The following GABRB1 variants were observed in gnomAD, a reference collection of about 807,000 sequenced individuals.
GABRB1 encodes the protein gamma-aminobutyric acid receptor subunit beta-1.
In GABRB1, 17 loss-of-function variants were observed where a neutral mutation model predicts 51.6. That is an observed-to-expected ratio of 0.33 (90% CI 0.23 to 0.49). The LOEUF is 0.49. Ranked by LOEUF, GABRB1 falls within the 20% of genes least tolerant of loss-of-function variation. The probability of loss-of-function intolerance (pLI) is 0.99; values close to 1 mark genes in which losing one functional copy is unlikely to be tolerated. For synonymous variants in GABRB1, 247 were observed against 218.9 expected (o/e 1.13, Z -1.14); for missense variants, 410 against 600.6 (o/e 0.68, Z 3.32).
intron 4 of GABRB1, among the ~76,000 whole-genome samples, chr4:47,207,422 A>G (rs1029681688): frequency 1.3e-5 from 2 of 152,002 alleles, no homozygotes; most frequent in African/African-American, 2.4e-5. Context: ...ATTTTACACC[A>G]GTCAGAAAAA....
At chr4:47,246,079 C>T (rs1252198337) in intron 4 of GABRB1, among the ~76,000 whole-genome samples, 2 of 149,252 alleles carry the variant, frequency 1.3e-5, no homozygotes, top group Admixed American at 1.3e-4. Context: ...CATTCTCCCC[C>T]CCCAAGTCCC....
chr4:47,313,650 A>C (rs1254689214), intron 4 of GABRB1, among the ~76,000 whole-genome samples: 1 of 152,140 alleles, frequency 6.6e-6, no homozygotes, highest in Non-Finnish European at 1.5e-5. Context: ...CAAAGAGCTC[A>C]TACACTCAGC....
chr4:47,130,489 G>A (rs1273497391), intron 3 of GABRB1, among the ~76,000 whole-genome samples: 2 of 152,010 alleles, frequency 1.3e-5, no homozygotes, highest in Non-Finnish European at 2.9e-5. Context: ...TCAGTCTGGA[G>A]CCCACTTCCC....
chr4:47,406,989 G>T (rs945165443), intron 8 of GABRB1, 63 bp downstream of exon 8: 1 of 1,488,546 alleles, frequency 6.7e-7, no homozygotes, highest in Middle Eastern at 1.8e-4. Flanking sequence ...GATGCCTCGG[G>T]CTCTCATAAC....
chr4:47,098,356 G>GCTCATAA (rs1182711869), intron 3 of GABRB1, among the ~76,000 whole-genome samples: 1 of 151,988 alleles, frequency 6.6e-6, no homozygotes, highest in Non-Finnish European at 1.5e-5. Context: ...AGTTTAAAGA[G>GCTCATAA]CTCATAACTG....
chr4:47,345,823 C>G (rs1049338222), intron 5 of GABRB1, among the ~76,000 whole-genome samples: 1 of 152,072 alleles, frequency 6.6e-6, no homozygotes, highest in African/African-American at 2.4e-5. Flanking sequence ...AAAAAAAGAC[C>G]CTTCCAGCTC....
chr4:47,125,982 A>G (rs1046717507), intron 3 of GABRB1, among the ~76,000 whole-genome samples: 4 of 150,770 alleles, frequency 2.7e-5, no homozygotes, highest in Admixed American at 1.3e-4. Flanking sequence ...TTGTGCATAT[A>G]TTGCCTAATA....
Position 47,425,721 on chromosome 4 carries a change from T to A in GABRB1, c.1128T>A (p.Asn376Lys), listed in dbSNP as rs200146996. 1.4e-5 allele frequency: 22 copies of A among 1,613,754 alleles called. No individual in the cohort carries two copies. Among genetic ancestry groups the A allele is most frequent in the Non-Finnish European group, 1.4e-5 (17 of 1,179,906 alleles). Reference protein sequence around the residue: ...NILLSTLEIRNETSGSEVLTS... With the variant: ...NILLSTLEIRKETSGSEVLTS... ...TCCTCAGCACCCTGGAAATCCGGAA[T>A]GAGACGAGTGGCTCGGAAGTGCTCA... Residue 376 changes from asparagine (N) to lysine (K), a missense_variant, in exon 9 of 9, where the codon AAT becomes AAA. Coordinates refer to ENST00000295454, the MANE Select transcript of GABRB1 (RefSeq NM_000812.4).
At chr4:47,149,714 C>T (rs1202095747) in intron 3 of GABRB1, among the ~76,000 whole-genome samples, 1 of 152,044 alleles carries the variant, frequency 6.6e-6, no homozygotes, top group East Asian at 1.9e-4. Flanking sequence ...TATAAAGCTA[C>T]ATCAGAGGAA....
intron 1 of GABRB1, chr4:46,994,485 A>T (rs1512146): frequency 0.05 from 5,427 of 108,894 alleles, 145 homozygotes; most frequent in African/African-American, 0.096. Context: ...TGTGTGTGTG[A>T]GAGAGAGAGA....
At chr4:47,323,794 T>G (rs1725164009) in intron 5 of GABRB1, among the ~76,000 whole-genome samples, 1 of 152,214 alleles carries the variant, frequency 6.6e-6, no homozygotes, top group Non-Finnish European at 1.5e-5. Flanking sequence ...TTTAACTTGA[T>G]GTCATCTAAT....
At chr4:47,377,820 T>C (rs1216650438) in intron 5 of GABRB1, among the ~76,000 whole-genome samples, 3 of 152,142 alleles carry the variant, frequency 2.0e-5, no homozygotes, top group African/African-American at 7.2e-5. Flanking sequence ...AGAGTGTCCA[T>C]TGGTGCATTC....
rs376267676 is a variant in GABRB1, at chr4:47,350,115, A to G, written c.544+29906A>G. Reference sequence around the variant, plus strand: ...GATAAATTAATATTTGAAAAAATATATTGTATTTATTACTTTACATTAGTT... The same window carrying G: ...GATAAATTAATATTTGAAAAAATATGTTGTATTTATTACTTTACATTAGTT... On this transcript the variant is annotated intron_variant, in intron 5 of 8. Coordinates refer to ENST00000295454, the MANE Select transcript of GABRB1 (RefSeq NM_000812.4). Among the ~76,000 whole-genome samples the G allele has an allele frequency of 1.3e-3, 197 of 149,732 alleles. 7 individuals are homozygous for G. The South Asian group carries it at 0.039, about 29-fold the overall frequency.
chr4:47,175,241 A>G (rs1306075810), intron 4 of GABRB1, among the ~76,000 whole-genome samples: 1 of 148,458 alleles, frequency 6.7e-6, no homozygotes, highest in Non-Finnish European at 1.5e-5. Context: ...TCTTTCTAAT[A>G]GAAATGAGGT....
At chr4:47,082,020 A>G (rs1048680345) in intron 3 of GABRB1, among the ~76,000 whole-genome samples, 1 of 152,066 alleles carries the variant, frequency 6.6e-6, no homozygotes, top group Non-Finnish European at 1.5e-5. Context: ...GTAGCTGTAA[A>G]TAACTTTAGC....
Position 47,403,167 on chromosome 4 carries a change from A to G in GABRB1, c.545-151A>G, listed in dbSNP as rs145050543. ...TGAAGCTACTAACAAACCATCAGAA[A>G]TAGCACTCCACATGAGACCTGCATA... On this transcript the variant is annotated intron_variant, in intron 5 of 8. Coordinates refer to ENST00000295454, the MANE Select transcript of GABRB1 (RefSeq NM_000812.4). 3.4e-3 allele frequency: 2,394 copies of G among 707,578 alleles called. 21 individuals are homozygous for G. Among genetic ancestry groups the G allele is most frequent in the South Asian group, 0.012 (596 of 51,066 alleles). 43.8% of individuals were successfully genotyped at this position (707,578 alleles called of 1,614,324 possible).
chr4:47,059,727 C>T (rs1726768142), intron 3 of GABRB1, among the ~76,000 whole-genome samples: 1 of 152,148 alleles, frequency 6.6e-6, no homozygotes, highest in Admixed American at 6.5e-5. Context: ...GGCCATGCCT[C>T]CCCTCTAAAA....
intron 4 of GABRB1, among the ~76,000 whole-genome samples, chr4:47,188,248 T>G (rs939884460): frequency 3.9e-5 from 6 of 152,022 alleles, no homozygotes; most frequent in African/African-American, 1.4e-4. Context: ...AACATCTTTT[T>G]AAAAAGCCAG....
At chr4:47,208,840 G>A (rs1451113575) in intron 4 of GABRB1, among the ~76,000 whole-genome samples, 1 of 152,096 alleles carries the variant, frequency 6.6e-6, no homozygotes, top group African/African-American at 2.4e-5. Context: ...TGAGAAGACA[G>A]ACATGACCTA....
Sources: allele counts gnomAD v4.1 joint callset (sites outside exome capture counted in the v4.1 genomes callset), GRCh38; gene constraint gnomAD v4.1.1; transcripts MANE v1.5; gene names NCBI Gene and HGNC (gene_info 2026-07-23, HGNC 2026-07-21).